The following TMEM131 variants were observed in gnomAD, a reference collection of about 807,000 sequenced individuals.
TMEM131 encodes the protein transmembrane protein 131, also known as 2610524E03Rik.
In TMEM131, 66 loss-of-function variants were observed where a neutral mutation model predicts 211.6. The observed-to-expected ratio is 0.31, with a 90% CI of 0.26 to 0.38. The LOEUF is 0.38. Among genes scored for constraint, TMEM131 ranks in the 10% least tolerant of loss-of-function variants. The pLI, the probability that TMEM131 is intolerant of heterozygous loss-of-function variation, is 1.00. For missense variants in TMEM131, 2,036 were observed against 2,299.3 expected, an observed-to-expected ratio of 0.89 and a Z score of 2.34; for synonymous variants, 844 against 841.3, an observed-to-expected ratio of 1.00 and a Z score of -0.06.
intron 4 of TMEM131, among the ~76,000 whole-genome samples, chr2:97,875,180 T>C (rs1465366406): frequency 6.6e-6 from 1 of 152,172 alleles, no homozygotes; most frequent in South Asian, 2.1e-4. Context: ...CCTAAATATA[T>C]ATGCACCCAA....
At chr2:97,977,778 G>A (rs1340030636) in intron 1 of TMEM131, among the ~76,000 whole-genome samples, 4 of 152,138 alleles carry the variant, frequency 2.6e-5, no homozygotes, top group Admixed American at 6.5e-5. Context: ...GGGTGGGGTG[G>A]CTGTGGCAAT....
intron 11 of TMEM131, among the ~76,000 whole-genome samples, chr2:97,824,902 A>G (rs1382889944): frequency 6.6e-6 from 1 of 152,208 alleles, no homozygotes; most frequent in African/African-American, 2.4e-5. Flanking sequence ...ATCTTAGACT[A>G]GTGCAAGATC....
intron 22 of TMEM131, among the ~76,000 whole-genome samples, chr2:97,803,576 T>C (rs1681143654): frequency 6.6e-6 from 1 of 152,218 alleles, no homozygotes; most frequent in Non-Finnish European, 1.5e-5. Flanking sequence ...ATTGTTGTAG[T>C]GTTATGATAC....
At chr2:97,922,238 G>A (rs1676771740) in intron 2 of TMEM131, among the ~76,000 whole-genome samples, 1 of 152,094 alleles carries the variant, frequency 6.6e-6, no homozygotes, top group Non-Finnish European at 1.5e-5. Context: ...GATCTGACAG[G>A]AGGCTGAGCT....
intron 4 of TMEM131, among the ~76,000 whole-genome samples, chr2:97,885,625 T>C (rs1573509648): frequency 6.6e-6 from 1 of 152,314 alleles, no homozygotes; most frequent in Admixed American, 6.5e-5. Flanking sequence ...GCCTGTAAGT[T>C]TTCTGCTGAG....
chr2:97,842,218 G>C (rs1383107078), intron 6 of TMEM131, among the ~76,000 whole-genome samples: 2 of 152,136 alleles, frequency 1.3e-5, no homozygotes, highest in African/African-American at 2.4e-5. Flanking sequence ...AGAAAATAGG[G>C]AGTCAAAAGA....
intron 7 of TMEM131, among the ~76,000 whole-genome samples, chr2:97,838,491 C>A (rs373629277): frequency 1.6e-5 from 2 of 121,850 alleles, no homozygotes; most frequent in Non-Finnish European, 1.6e-5. Flanking sequence ...GTCGCTCAGG[C>A]TGGAGTGCAA....
rs1435308021 is a variant in TMEM131, at chr2:97,814,586, AAAC to A, written c.1293-201_1293-199del. 2.0e-4 allele frequency among the ~76,000 whole-genome samples: 30 copies of A among 151,914 alleles called. No homozygotes were observed. The East Asian group carries it at 5.2e-3, about 26-fold the overall frequency. The stretch of plus-strand genomic sequence containing the variant: ...GCTTGCAAAATACTGAAATTAATAC[AAAC>A]AACCATTCTCTAATGAATTATATGA... On this transcript the variant is annotated intron_variant, in intron 13 of 40. Coordinates refer to ENST00000186436, the MANE Select transcript of TMEM131 (RefSeq NM_015348.2).
chr2:97,757,432 T>A (rs1052031903), intron 40 of TMEM131, 49 bp from the exon 41 acceptor site: 1 of 1,532,780 alleles, frequency 6.5e-7, no homozygotes, highest in Non-Finnish European at 8.8e-7. Context: ...AGGCAGAGGG[T>A]CAAGTGGGTA....
intron 11 of TMEM131, among the ~76,000 whole-genome samples, chr2:97,828,320 T>A (rs1247892396): frequency 6.6e-6 from 1 of 152,048 alleles, no homozygotes; most frequent in African/African-American, 2.4e-5. Flanking sequence ...GTCTGTACGA[T>A]CCTCAACCAA....
At chr2:97,798,143 A>C (rs1357001650) in intron 25 of TMEM131, among the ~76,000 whole-genome samples, 1 of 152,280 alleles carries the variant, frequency 6.6e-6, no homozygotes, top group Non-Finnish European at 1.5e-5. Context: ...ATAAACACCC[A>C]ATGATTTAAA....
intron 4 of TMEM131, among the ~76,000 whole-genome samples, chr2:97,885,840 T>C (rs1675134615): frequency 1.3e-5 from 2 of 152,244 alleles, no homozygotes; most frequent in African/African-American, 4.8e-5. Flanking sequence ...TGGGAAGTTT[T>C]CAGCTACTAT....
intron 2 of TMEM131, among the ~76,000 whole-genome samples, chr2:97,924,967 C>T (rs1178409974): frequency 6.6e-6 from 1 of 152,144 alleles, no homozygotes; most frequent in Non-Finnish European, 1.5e-5. Flanking sequence ...GAAGTCTCGA[C>T]CTCCCAGGCT....
At chr2:97,977,837 C>T (rs1285920424) in intron 1 of TMEM131, among the ~76,000 whole-genome samples, 2 of 152,082 alleles carry the variant, frequency 1.3e-5, no homozygotes, top group Non-Finnish European at 2.9e-5. Flanking sequence ...CCTATAATCC[C>T]AGCACTTTGG....
chr2:97,866,500 T>C (rs189303638), intron 4 of TMEM131, among the ~76,000 whole-genome samples: 33 of 152,346 alleles, frequency 2.2e-4, no homozygotes, highest in African/African-American at 7.7e-4. Flanking sequence ...TTTTGTTGAT[T>C]TTGTTATGTT....
At chr2:97,980,669 A>C (rs746785985) in intron 1 of TMEM131, among the ~76,000 whole-genome samples, 4 of 152,198 alleles carry the variant, frequency 2.6e-5, no homozygotes, top group African/African-American at 4.8e-5. Context: ...AAACAACCCA[A>C]AATTTCAACA....
At chr2:97,972,557 C>G (rs1160163764) in intron 1 of TMEM131, among the ~76,000 whole-genome samples, 1 of 152,054 alleles carries the variant, frequency 6.6e-6, no homozygotes, top group East Asian at 1.9e-4. Flanking sequence ...TAAAAACCAT[C>G]AATCTGTGGT....
At chr2:97,807,120 A>G (rs1681344808) in intron 19 of TMEM131, among the ~76,000 whole-genome samples, 1 of 152,218 alleles carries the variant, frequency 6.6e-6, no homozygotes, top group African/African-American at 2.4e-5. Context: ...TGTTTCCAGT[A>G]AGCTCTAGTA....
chr2:97,840,467 G>A (rs1683144876), intron 7 of TMEM131, among the ~76,000 whole-genome samples: 1 of 152,240 alleles, frequency 6.6e-6, no homozygotes. Context: ...GCACATGCCT[G>A]TCATCTCGGC....
Sources: gnomAD v4.1 joint callset for allele counts (sites outside exome capture counted in the v4.1 genomes callset) on GRCh38, gnomAD v4.1.1 for gene constraint, MANE v1.5 for transcripts, NCBI Gene and HGNC (gene_info 2026-07-23, HGNC 2026-07-21) for gene names.